The following EIF2AK2 variants were observed in gnomAD, a reference collection of about 807,000 sequenced individuals.
EIF2AK2 encodes interferon-induced, double-stranded RNA-activated protein kinase.
EIF2AK2 carries 40 observed loss-of-function variants against 70.5 expected under a neutral mutation model. The ratio of observed to expected loss-of-function variants is 0.57; its 90% confidence interval spans 0.44 to 0.74. The LOEUF is 0.74. EIF2AK2 is among the 30% of genes least tolerant of loss of function. The pLI is 0.00. For synonymous variants in EIF2AK2, 198 were observed against 220.9 expected (o/e 0.90, Z 0.92); for missense variants, 555 against 644.3 (o/e 0.86, Z 1.50).
chr2:37,151,127 G>A (rs143674436), intron 1 of EIF2AK2, among the ~76,000 whole-genome samples: 4 of 152,220 alleles, frequency 2.6e-5, no homozygotes, highest in Non-Finnish European at 4.4e-5. Flanking sequence ...AAACGTTTGT[G>A]TATCAAAGGA....
At chr2:37,107,807 G>C (rs1404178344) in intron 15 of EIF2AK2, among the ~76,000 whole-genome samples, 1 of 152,122 alleles carries the variant, frequency 6.6e-6, no homozygotes, top group African/African-American at 2.4e-5. Flanking sequence ...TTTTACAGAG[G>C]ATAAGGTTAT....
At chr2:37,108,832 A>G (rs1362106046) in intron 15 of EIF2AK2, among the ~76,000 whole-genome samples, 1 of 152,158 alleles carries the variant, frequency 6.6e-6, no homozygotes, top group East Asian at 1.9e-4. Flanking sequence ...GGCCTCTCAA[A>G]GCTGGGATTA....
intron 7 of EIF2AK2, 37 bp from the exon 8 acceptor site, chr2:37,138,400 C>T (rs775915945): frequency 1.9e-5 from 31 of 1,601,054 alleles, no homozygotes; most frequent in Non-Finnish European, 2.6e-5. Flanking sequence ...TTTATTAATT[C>T]TGTTTTTATC....
intron 10 of EIF2AK2, among the ~76,000 whole-genome samples, chr2:37,130,685 G>C (rs530915593): frequency 3.9e-5 from 6 of 152,240 alleles, no homozygotes; most frequent in African/African-American, 1.2e-4. Context: ...GCTGACACAG[G>C]CTACTCCCAA....
intron 13 of EIF2AK2, among the ~76,000 whole-genome samples, chr2:37,117,452 G>T (rs1188620546): frequency 6.7e-6 from 1 of 150,146 alleles, no homozygotes; most frequent in African/African-American, 2.5e-5. Flanking sequence ...TGGGAGGATT[G>T]CTTGAGCCTA....
rs1673976057 is a variant in EIF2AK2 at position 37,106,712 on chromosome 2, T to C, written c.*561A>G. On this transcript the variant is annotated 3_prime_UTR_variant, in exon 17 of 17. Coordinates refer to ENST00000233057, the MANE Select transcript of EIF2AK2 (RefSeq NM_001135651.3). ...TGAATTGATTGATTCATTAATAGTA[T>C]AAAAAGAAAATTTGGGGGTGGTTTT... 1 of 152,084 alleles carries C rather than the reference T, an allele frequency of 6.6e-6. No individual in the cohort carries two copies. The highest frequency in any genetic ancestry group is 1.5e-5 in the Non-Finnish European group (1 of 68,028). 9.4% of individuals were successfully genotyped at this position (152,084 alleles called of 1,614,324 possible).
chr2:37,123,721 T>C (rs1344524102), intron 11 of EIF2AK2, among the ~76,000 whole-genome samples: 2 of 152,132 alleles, frequency 1.3e-5, no homozygotes, highest in African/African-American at 4.8e-5. Flanking sequence ...GTGTGGCAAA[T>C]ATACACAAAG....
intron 8 of EIF2AK2, 34 bp from the exon 9 acceptor site, chr2:37,137,051 T>A (rs1217150093): frequency 6.4e-7 from 1 of 1,569,694 alleles, no homozygotes; most frequent in Admixed American, 1.9e-5. Flanking sequence ...TAGTTTCAGA[T>A]GACTAAATCA....
At chr2:37,154,919 T>C (rs1675871379) in intron 1 of EIF2AK2, among the ~76,000 whole-genome samples, 1 of 142,236 alleles carries the variant, frequency 7.0e-6, no homozygotes, top group African/African-American at 2.6e-5. Flanking sequence ...CTGGTTCATC[T>C]TCAACTTCTT....
intron 11 of EIF2AK2, among the ~76,000 whole-genome samples, chr2:37,126,010 A>G (rs1272274149): frequency 6.6e-6 from 1 of 152,212 alleles, no homozygotes; most frequent in Non-Finnish European, 1.5e-5. Flanking sequence ...GGAGCATTTC[A>G]TGAATTTGCA....
chr2:37,122,130 TGAG>T (rs1307538158), intron 12 of EIF2AK2, among the ~76,000 whole-genome samples: 2 of 151,320 alleles, frequency 1.3e-5, no homozygotes, highest in East Asian at 4.0e-4. Context: ...TGTTGGTAGC[TGAG>T]GAGGGAGCCC....
Position 37,107,342 on chromosome 2 carries a change from T to C in EIF2AK2, c.1587A>G (p.Thr529=). The change falls in exon 17 of 17, where the codon ACA becomes ACG. Residue 529 remains threonine (T), a synonymous_variant. Coordinates refer to ENST00000233057, the MANE Select transcript of EIF2AK2 (RefSeq NM_001135651.3). ...CAGTCAAGGTCCTTAGTATTTCAGA[T>C]GTGTTAGGTCGATCCTCAGGTTTCT... The part of the protein sequence containing the change: ...LSKKPEDRPN[T]SEILRTLTVW... The C allele has an allele frequency of 3.1e-6, 5 of 1,614,024 alleles. No individual in the cohort carries two copies. Among genetic ancestry groups the C allele is most frequent in the Non-Finnish European group, 4.2e-6 (5 of 1,179,978 alleles).
chr2:37,147,667 T>C, intron 3 of EIF2AK2, 21 bp downstream of exon 3: 10 of 1,497,576 alleles, frequency 6.7e-6, no homozygotes, highest in Non-Finnish European at 9.3e-6. Context: ...GGCTGCCATA[T>C]CATTTTTTAT....
Position 37,138,354 on chromosome 2 carries a change from T to C in EIF2AK2, c.603A>G (p.Glu201=), listed in dbSNP as rs372040387. ...NSLVTSTLAS[E]SSSEGDFSAD... ...CTGAGAAGTCACCTTCAGATGATGA[T>C]TCAGAAGCGCTAGAAGAAAAGGGTG... The change falls in exon 8 of 17, where the codon GAA becomes GAG. Residue 201 remains glutamate (E), a synonymous_variant. Coordinates refer to ENST00000233057, the MANE Select transcript of EIF2AK2 (RefSeq NM_001135651.3). 6.8e-6 allele frequency: 11 copies of C among 1,613,404 alleles called. No individual in the cohort carries two copies. Among genetic ancestry groups the C allele is most frequent in the Non-Finnish European group, 8.5e-6 (10 of 1,179,738 alleles).
rs1675651309 is a variant in EIF2AK2 at position 37,148,945 on chromosome 2, T to C, written c.-105A>G. The C allele has an allele frequency of 2.4e-6, 2 of 822,358 alleles. No homozygotes were observed. Among genetic ancestry groups the C allele is most frequent in the South Asian group, 2.7e-5 (2 of 75,152 alleles). 50.9% of individuals were successfully genotyped at this position (822,358 alleles called of 1,614,324 possible). ...AGACCGCCAGAGAAGCAAACCTGAG[T>C]CAGATGGAAGAACTGCTAAAGTTTT... On this transcript the variant is annotated 5_prime_UTR_variant, in exon 2 of 17. Transcript: ENST00000233057.
chr2:37,145,401 C>T (rs2148709857), intron 4 of EIF2AK2, among the ~76,000 whole-genome samples: 1 of 152,262 alleles, frequency 6.6e-6, no homozygotes, highest in African/African-American at 2.4e-5. Context: ...CCTTGGCCTC[C>T]CAAAGTGCCA....
Position 37,153,292 on chromosome 2 carries a change from T to G in EIF2AK2, c.-184+3616A>C, listed in dbSNP as rs1675809392. On this transcript the variant is annotated intron_variant, in intron 1 of 16. Coordinates refer to ENST00000233057, the MANE Select transcript of EIF2AK2 (RefSeq NM_001135651.3). Reference sequence around the variant, plus strand: ...TTCCAAACAGAAAGTGTGTACCCATTAAACAGTAACTCCCCATTTCCCAGT... The same window carrying G: ...TTCCAAACAGAAAGTGTGTACCCATGAAACAGTAACTCCCCATTTCCCAGT... Among the ~76,000 whole-genome samples, 3 of 150,348 alleles carry G rather than the reference T, an allele frequency of 2.0e-5. No homozygotes were observed. The South Asian group carries it at 6.3e-4, about 32-fold the overall frequency.
chr2:37,133,908 T>C (rs1282455942), intron 10 of EIF2AK2, among the ~76,000 whole-genome samples: 2 of 152,172 alleles, frequency 1.3e-5, no homozygotes, highest in Non-Finnish European at 2.9e-5. Flanking sequence ...CCTTTTGTTG[T>C]TTCTTTCTAT....
Position 37,099,801 on chromosome 2 carries a change from A to G in EIF2AK2, c.*7472T>C, listed in dbSNP as rs1361894326. The G allele has an allele frequency of 5.3e-5, 8 of 152,220 alleles. No individual in the cohort carries two copies. The highest frequency in any genetic ancestry group is 1.5e-5 in the Non-Finnish European group (1 of 68,034). 9.4% of individuals were successfully genotyped at this position (152,220 alleles called of 1,614,324 possible). Reference sequence around the variant, plus strand: ...TGGATACATAAAATGCGACATATCCATATGATAGAATATTATTTGGCAATA... The same window carrying G: ...TGGATACATAAAATGCGACATATCCGTATGATAGAATATTATTTGGCAATA... On this transcript the variant is annotated 3_prime_UTR_variant, in exon 17 of 17. Coordinates refer to ENST00000233057, the MANE Select transcript of EIF2AK2 (RefSeq NM_001135651.3).
Sources: gnomAD v4.1 joint callset for allele counts (sites outside exome capture counted in the v4.1 genomes callset) on GRCh38, gnomAD v4.1.1 for gene constraint, MANE v1.5 for transcripts, NCBI Gene and HGNC (gene_info 2026-07-23, HGNC 2026-07-21) for gene names.